The following WDFY4 variants were observed in gnomAD, a reference collection of about 807,000 sequenced individuals.
WDFY4 encodes WDFY family member 4.
A neutral mutation model predicts 351.9 loss-of-function variants in WDFY4; 169 were observed. The observed-to-expected ratio is 0.48, with a 90% CI of 0.42 to 0.55. The LOEUF is 0.55. Ranked by LOEUF, WDFY4 falls within the 20% of genes least tolerant of loss-of-function variation. The probability of loss-of-function intolerance (pLI) is 0.00; values close to 1 mark genes in which losing one functional copy is unlikely to be tolerated. For synonymous variants in WDFY4, 1,622 were observed against 1,574.6 expected (o/e 1.03, Z -0.71); for missense variants, 3,803 against 3,935.6 (o/e 0.97, Z 0.90).
chr10:48,722,588 C>T (rs2064127085), intron 4 of WDFY4, among the ~76,000 whole-genome samples: 1 of 152,192 alleles, frequency 6.6e-6, no homozygotes, highest in Admixed American at 6.5e-5. Flanking sequence ...GTCAGGTTAA[C>T]CAGTGGAATG....
At chr10:48,959,934 A>G in intron 53 of WDFY4, 121 bp downstream of exon 53, 1 of 912,672 alleles carries the variant, frequency 1.1e-6, no homozygotes, top group Non-Finnish European at 1.6e-6. Flanking sequence ...ATGTCTGGAA[A>G]ACCCAGAGAA....
At chr10:48,915,799 C>G (rs572527651) in intron 47 of WDFY4, among the ~76,000 whole-genome samples, 48 of 152,260 alleles carry the variant, frequency 3.2e-4, no homozygotes, top group Admixed American at 1.6e-3. Context: ...AATGACAGTT[C>G]TTAGCTCTTG....
intron 39 of WDFY4, among the ~76,000 whole-genome samples, chr10:48,857,715 CTT>C (rs929193213): frequency 1.3e-5 from 2 of 152,146 alleles, no homozygotes; most frequent in African/African-American, 4.8e-5. Context: ...GTACTAAGGT[CTT>C]TATATCTTCT....
chr10:48,726,114 G>A, intron 6 of WDFY4, 44 bp downstream of exon 6: 1 of 1,516,828 alleles, frequency 6.6e-7, no homozygotes, highest in Non-Finnish European at 8.9e-7. Context: ...CCATGCAAGG[G>A]CTTCCCTTGA....
At position 48,941,670 on chromosome 10, in the gene WDFY4, G is replaced by C. The variant is rs541047256; in HGVS notation, c.7587-136G>C. On this transcript the variant is annotated intron_variant, in intron 47 of 61. Coordinates refer to ENST00000325239, the MANE Select transcript of WDFY4 (RefSeq NM_001394531.1). ...AGTCTCCCTGTGCTGTCCGCTGAGA[G>C]TTGCTCTGGGATTTGGGAAGTCTGC... 8.3e-6 allele frequency: 7 copies of C among 839,866 alleles called. No homozygotes were observed. In the East Asian group the frequency reaches 1.9e-4, roughly 23 times the overall value. The allele number at this position is 839,866 out of a possible 1,614,324, so 52.0% of individuals were successfully genotyped here.
rs2064252968 is a variant in WDFY4 at position 48,725,919 on chromosome 10, G to A, written c.630G>A (p.Glu210=). The part of the protein sequence containing the change: ...LNICSDSQGL[E]GLLSGSELQS... Reference sequence around the variant, plus strand: ...TTTGCAGTGACTCTCAGGGCCTGGAGGGACTCCTCTCAGGAAGTGAGCTGC... The same window carrying A: ...TTTGCAGTGACTCTCAGGGCCTGGAAGGACTCCTCTCAGGAAGTGAGCTGC... Residue 210 remains glutamate, a synonymous_variant, in exon 6 of 62, where the codon GAG becomes GAA. Transcript: ENST00000325239. 1.3e-6 allele frequency: 2 copies of A among 1,550,880 alleles called. No homozygotes were observed. The highest frequency in any genetic ancestry group is 1.4e-5 in the African/African-American group (1 of 73,152).
intron 32 of WDFY4, among the ~76,000 whole-genome samples, chr10:48,817,717 T>A (rs947374903): frequency 6.6e-6 from 1 of 152,208 alleles, no homozygotes; most frequent in African/African-American, 2.4e-5. Flanking sequence ...AGACAGTGAC[T>A]CCCATTCCAG....
At position 48,725,737 on chromosome 10, in the gene WDFY4, T is replaced by C; in HGVS notation, c.592-144T>C. ...GGGGGCTCTGTTGACCCTGCTGGTC[T>C]GGGACAGAGGGTGACCCCATTCAAT... is the stretch of plus-strand genomic sequence containing the variant. On this transcript the variant is annotated intron_variant, in intron 5 of 61. Coordinates refer to ENST00000325239, the MANE Select transcript of WDFY4 (RefSeq NM_001394531.1). 6 of 878,854 alleles carry C rather than the reference T, an allele frequency of 6.8e-6. No individual in the cohort carries two copies. In the South Asian group the frequency reaches 1.1e-4, roughly 16 times the overall value. The allele number at this position is 878,854 out of a possible 1,614,324, so 54.4% of individuals were successfully genotyped here. A position where few individuals can be genotyped will look rare whatever the true frequency, so the allele number is the denominator to read the frequency against.
At chr10:48,811,426 C>A in intron 29 of WDFY4, 113 bp from the exon 30 acceptor site, 1 of 875,960 alleles carries the variant, frequency 1.1e-6, no homozygotes, top group Non-Finnish European at 1.7e-6. Flanking sequence ...TTTTATCATC[C>A]AGCATTTCTA....
chr10:48,820,903 A>G (rs1423273126), intron 33 of WDFY4, among the ~76,000 whole-genome samples, 159 bp from the exon 34 acceptor site: 1 of 152,030 alleles, frequency 6.6e-6, no homozygotes, highest in African/African-American at 2.4e-5. Context: ...GAGGCAGCTC[A>G]GTCACAGAGG....
chr10:48,913,331 C>T, intron 47 of WDFY4: 1 of 1,513,110 alleles, frequency 6.6e-7, no homozygotes, highest in South Asian at 1.2e-5. Context: ...TGGAGGTAGC[C>T]CACTGCCCTC....
At chr10:48,741,028 G>A (rs1015239030) in intron 11 of WDFY4, among the ~76,000 whole-genome samples, 4 of 152,140 alleles carry the variant, frequency 2.6e-5, no homozygotes, top group African/African-American at 9.7e-5. Context: ...CCTAGTAACT[G>A]CAATCTGTTT....
intron 40 of WDFY4, among the ~76,000 whole-genome samples, chr10:48,870,620 A>T (rs1564434300): frequency 6.6e-6 from 1 of 151,828 alleles, no homozygotes; most frequent in Non-Finnish European, 1.5e-5. Context: ...CCTGCCTGTG[A>T]GTCTGTGGGC....
At chr10:48,687,556 G>C (rs1437825995) in intron 1 of WDFY4, among the ~76,000 whole-genome samples, 1 of 150,402 alleles carries the variant, frequency 6.6e-6, no homozygotes, top group Non-Finnish European at 1.5e-5. Context: ...ATTTTATTCT[G>C]CTTTTCCCAT....
At chr10:48,963,282 C>T (rs1564533028) in intron 53 of WDFY4, among the ~76,000 whole-genome samples, 1 of 152,222 alleles carries the variant, frequency 6.6e-6, no homozygotes, top group African/African-American at 2.4e-5. Context: ...GCCGTGGACA[C>T]AACTTAATTC....
chr10:48,824,345 T>A (rs2067926190), intron 35 of WDFY4, among the ~76,000 whole-genome samples: 1 of 152,214 alleles, frequency 6.6e-6, no homozygotes, highest in Non-Finnish European at 1.5e-5. Context: ...ATGCTTAGCA[T>A]AATACCTGGA....
At chr10:48,725,354 G>A (rs541137757) in intron 5 of WDFY4, among the ~76,000 whole-genome samples, 17 of 152,276 alleles carry the variant, frequency 1.1e-4, no homozygotes, top group East Asian at 5.8e-4. Flanking sequence ...GCCATGCTAC[G>A]GTGGTGGGAT....
chr10:48,743,398 T>C lies in WDFY4; in HGVS notation c.2309T>C (p.Leu770Pro). ...AGCTGCCTCCAGATCCTTGGCTTTCTGGACAGCATGGCCAGCGGCACCCTC... is the reference window on the plus strand; with the variant it reads ...AGCTGCCTCCAGATCCTTGGCTTTCCGGACAGCATGGCCAGCGGCACCCTC... The part of the protein sequence containing the change: ...IQSCLQILGF[L>P]DSMASGTLHL... The change falls in exon 12 of 62, where the codon CTG becomes CCG. Residue 770 changes from leucine (L) to proline (P), a missense_variant. Leu to Pro is a moderately conservative substitution (Grantham distance 98, BLOSUM62 -3). Transcript: ENST00000325239. 1.3e-6 allele frequency: 2 copies of C among 1,551,646 alleles called. No homozygotes were observed. The highest frequency in any genetic ancestry group is 1.7e-6 in the Non-Finnish European group (2 of 1,146,992).
At chr10:48,913,957 C>T in intron 47 of WDFY4, 1 of 1,614,178 alleles carries the variant, frequency 6.2e-7, no homozygotes. Flanking sequence ...GAGATGGAGT[C>T]AGGGATCTTC....
Sources: allele counts gnomAD v4.1 joint callset (sites outside exome capture counted in the v4.1 genomes callset), GRCh38; gene constraint gnomAD v4.1.1; transcripts MANE v1.5; gene names NCBI Gene and HGNC (gene_info 2026-07-23, HGNC 2026-07-21).